Variants in ABCC1 observed in about 807,000 individuals in gnomAD.
The protein encoded by ABCC1 is ATP binding cassette subfamily C member 1 (ABCC1 blood group).
A neutral mutation model predicts 172.9 loss-of-function variants in ABCC1; 83 were observed. The ratio of observed to expected loss-of-function variants is 0.48; its 90% CI spans 0.40 to 0.58. ABCC1 has a LOEUF of 0.58. Ranked by LOEUF, ABCC1 falls within the 20% of genes least tolerant of loss-of-function variation. The pLI, the probability that ABCC1 is intolerant of heterozygous loss-of-function variation, is 0.00. For missense variants in ABCC1, 1,817 were observed against 2,002.7 expected (o/e 0.91, Z 1.77); for synonymous variants, 937 against 825.2 (o/e 1.14, Z -2.32).
At position 16,090,542 on chromosome 16, in the gene ABCC1, G is replaced by C; in HGVS notation, c.2598G>C (p.Leu866=). 6.2e-7 allele frequency: 1 copy of C among 1,613,536 alleles called. No homozygotes were observed. The highest frequency in any genetic ancestry group is 8.5e-7 in the Non-Finnish European group (1 of 1,179,736). ...LARDGAFAEF[L]RTYASTEQEQ... is the part of the protein sequence containing the mutation. ...GAGACGGCGCCTTCGCTGAGTTCCT[G>C]CGTACCTATGCCAGCACAGAGCAGG... The change falls in exon 19 of 31, where the codon CTG becomes CTC. Residue 866 remains leucine, a synonymous_variant. Transcript: ENST00000399410.
intron 1 of ABCC1, among the ~76,000 whole-genome samples, chr16:15,984,720 A>T (rs992628293): frequency 3.1e-4 from 47 of 152,294 alleles, no homozygotes; most frequent in Middle Eastern, 3.4e-3. Context: ...CTGAGATTAC[A>T]GGCTTGAGCC....
chr16:16,041,597 C>A (rs2151865393), intron 7 of ABCC1, among the ~76,000 whole-genome samples: 1 of 152,256 alleles, frequency 6.6e-6, no homozygotes, highest in East Asian at 1.9e-4. Flanking sequence ...AGAAGGAAAA[C>A]CCTGTCCTAG....
chr16:15,959,568 C>A (rs1460963844), intron 1 of ABCC1, among the ~76,000 whole-genome samples: 1 of 152,144 alleles, frequency 6.6e-6, no homozygotes, highest in Non-Finnish European at 1.5e-5. Flanking sequence ...TCAAGCGATC[C>A]TCCTGCCTCG....
At chr16:15,976,712 CCATAGT>C (rs1193865857) in intron 1 of ABCC1, among the ~76,000 whole-genome samples, 2 of 152,118 alleles carry the variant, frequency 1.3e-5, no homozygotes, top group African/African-American at 4.8e-5. Context: ...ATGACAATAG[CCATAGT>C]AGTGATAATA....
rs563484597 is a variant in ABCC1, at chr16:16,033,175, G to A, written c.677+5G>A. ...CACCTTCTGGTGGATCACAGGGTAAGGCCAGGCCCCCCAGACCTCAGGGAG... is the reference window on the plus strand; with the variant it reads ...CACCTTCTGGTGGATCACAGGGTAAAGCCAGGCCCCCCAGACCTCAGGGAG... On this transcript the variant is annotated splice_donor_5th_base_variant and intron_variant, in intron 6 of 30. Transcript: ENST00000399410. 3 of 1,613,948 alleles carry A rather than the reference G, an allele frequency of 1.9e-6. No homozygotes were observed. Among genetic ancestry groups the A allele is most frequent in the East Asian group, 4.5e-5 (2 of 44,878 alleles).
chr16:16,068,975 A>G (rs2050217515), intron 13 of ABCC1, among the ~76,000 whole-genome samples: 1 of 150,134 alleles, frequency 6.7e-6, no homozygotes, highest in South Asian at 2.1e-4. Flanking sequence ...TGACACAGCA[A>G]AAACTCCGTC....
At chr16:16,062,651 A>G (rs2049966132) in intron 12 of ABCC1, among the ~76,000 whole-genome samples, 2 of 152,240 alleles carry the variant, frequency 1.3e-5, no homozygotes, top group South Asian at 4.1e-4. Context: ...TGGCCGAGGC[A>G]TCGAAGCCTC....
At chr16:16,100,832 G>C (rs1324969372) in intron 19 of ABCC1, among the ~76,000 whole-genome samples, 1 of 152,154 alleles carries the variant, frequency 6.6e-6, no homozygotes, top group East Asian at 1.9e-4. Flanking sequence ...GGAAGATGAG[G>C]CTCAGACAGA....
intron 21 of ABCC1, among the ~76,000 whole-genome samples, chr16:16,107,840 G>A (rs2152075506): frequency 6.6e-6 from 1 of 151,132 alleles, no homozygotes; most frequent in East Asian, 1.9e-4. Context: ...TTTTTAAAGG[G>A]AATGGAATTT....
chr16:16,131,725 G>C, intron 26 of ABCC1, 64 bp from the exon 27 acceptor site: 1 of 1,571,840 alleles, frequency 6.4e-7, no homozygotes, highest in South Asian at 1.2e-5. Flanking sequence ...GGGAGGTCAG[G>C]GGAGTCACAG....
intron 20 of ABCC1, among the ~76,000 whole-genome samples, chr16:16,105,656 C>G (rs763366594): frequency 6.6e-6 from 1 of 151,478 alleles, no homozygotes; most frequent in African/African-American, 2.4e-5. Context: ...GAAATTTCCA[C>G]GGCAGTGAGC....
At position 16,056,278 on chromosome 16, in the gene ABCC1, G is replaced by T; in HGVS notation, c.1660G>T (p.Val554Phe). Residue 554 changes from valine (V) to phenylalanine (F), a missense_variant, in exon 12 of 31, where the codon GTC becomes TTC. By Grantham distance (50) the Val-to-Phe change is conservative. This residue lies in a region of ABCC1 where 1,412 missense variants were observed against 1,600.3 expected (regional missense o/e 0.88). Coordinates refer to ENST00000399410, the MANE Select transcript of ABCC1 (RefSeq NM_004996.4). The stretch of plus-strand genomic sequence containing the variant: ...GTCAGCCGTGGGCACCTTCACCTGG[G>T]TCTGCACGCCCTTTCTGGTGAGTGA... Reference protein sequence around the residue: ...YLSAVGTFTWVCTPFLVALCT... With the variant: ...YLSAVGTFTWFCTPFLVALCT... 1.2e-6 allele frequency: 2 copies of T among 1,614,232 alleles called. No individual in the cohort carries two copies. Among genetic ancestry groups the T allele is most frequent in the Non-Finnish European group, 1.7e-6 (2 of 1,180,050 alleles).
intron 1 of ABCC1, among the ~76,000 whole-genome samples, chr16:16,004,816 G>A (rs1386411580): frequency 1.3e-5 from 2 of 151,290 alleles, no homozygotes; most frequent in Non-Finnish European, 2.9e-5. Context: ...TACCCTGCCC[G>A]GCTAATTTTT....
chr16:16,127,859 C>A (rs978534250), intron 26 of ABCC1, among the ~76,000 whole-genome samples: 1 of 151,682 alleles, frequency 6.6e-6, no homozygotes, highest in African/African-American at 2.4e-5. Flanking sequence ...GGGTGTATTA[C>A]ACCGGCGGCT....
At chr16:16,105,017 C>T (rs2052010560) in intron 20 of ABCC1, among the ~76,000 whole-genome samples, 1 of 152,156 alleles carries the variant, frequency 6.6e-6, no homozygotes, top group African/African-American at 2.4e-5. Context: ...TCCCTCCACA[C>T]CTCCCCGCAA....
chr16:16,059,598 A>G (rs990500201), intron 12 of ABCC1, among the ~76,000 whole-genome samples: 1 of 152,134 alleles, frequency 6.6e-6, no homozygotes, highest in Non-Finnish European at 1.5e-5. Context: ...TGAGGCTAGC[A>G]GATTGAGACC....
chr16:16,122,699 C>G (rs1373872978), intron 24 of ABCC1, among the ~76,000 whole-genome samples: 1 of 146,680 alleles, frequency 6.8e-6, no homozygotes, highest in Non-Finnish European at 1.5e-5. Context: ...ATAGCAAGAC[C>G]CCCATCTCTC....
At chr16:16,068,114 C>A in intron 12 of ABCC1, 42 bp from the exon 13 acceptor site, 1 of 1,611,734 alleles carries the variant, frequency 6.2e-7, no homozygotes, top group Non-Finnish European at 8.5e-7. Context: ...TGATGACTCT[C>A]ACTCGGGGCA....
At chr16:16,060,431 C>A (rs1219179671) in intron 12 of ABCC1, among the ~76,000 whole-genome samples, 1 of 152,194 alleles carries the variant, frequency 6.6e-6, no homozygotes, top group Non-Finnish European at 1.5e-5. Context: ...AAGATCACTT[C>A]CAGCTCCAAT....
Sources: gnomAD v4.1 joint callset for allele counts (sites outside exome capture counted in the v4.1 genomes callset) on GRCh38, gnomAD v4.1.1 for gene constraint, gnomAD v4.1.1 regional missense constraint, MANE v1.5 for transcripts, NCBI Gene and HGNC (gene_info 2026-07-23, HGNC 2026-07-21) for gene names.